TRAPPC8: variants seen among roughly 807,000 people sequenced by gnomAD.
TRAPPC8 encodes the protein trafficking protein particle complex subunit 8, also known as general sporulation gene 1 homolog.
A neutral mutation model predicts 174.3 loss-of-function variants in TRAPPC8; 54 were observed. The ratio of observed to expected loss-of-function variants is 0.31; its 90% CI spans 0.25 to 0.39. TRAPPC8 has a LOEUF of 0.39. Among genes scored for constraint, TRAPPC8 ranks in the 10% least tolerant of loss-of-function variants. TRAPPC8 has a pLI of 1.00. For synonymous variants in TRAPPC8, 630 were observed against 579.9 expected, an observed-to-expected ratio of 1.09 and a Z score of -1.24; for missense variants, 1,531 against 1,699.1, an observed-to-expected ratio of 0.90 and a Z score of 1.74.
intron 2 of TRAPPC8, among the ~76,000 whole-genome samples, chr18:31,919,047 C>T (rs1275048254): frequency 1.3e-5 from 2 of 152,112 alleles, no homozygotes; most frequent in African/African-American, 4.8e-5. Context: ...GAGGACAAAG[C>T]CATTCATCTT....
At chr18:31,860,909 T>A (rs2034289339) in intron 19 of TRAPPC8, among the ~76,000 whole-genome samples, 1 of 152,218 alleles carries the variant, frequency 6.6e-6, no homozygotes, top group African/African-American at 2.4e-5. Context: ...ACTGCTTTCA[T>A]CCATAGCTGA....
chr18:31,922,488 G>T (rs976793365), intron 2 of TRAPPC8, among the ~76,000 whole-genome samples: 14 of 152,122 alleles, frequency 9.2e-5, no homozygotes, highest in African/African-American at 3.4e-4. Flanking sequence ...CTACTCGAGA[G>T]GCTGAGGTGG....
intron 1 of TRAPPC8, among the ~76,000 whole-genome samples, chr18:31,934,823 C>T (rs2038010571): frequency 6.6e-6 from 1 of 151,890 alleles, no homozygotes; most frequent in Admixed American, 6.6e-5. Flanking sequence ...GCCGAGACCA[C>T]ACCATTGTAC....
chr18:31,922,461 T>C (rs1419581519), intron 2 of TRAPPC8, among the ~76,000 whole-genome samples: 1 of 151,560 alleles, frequency 6.6e-6, no homozygotes, highest in African/African-American at 2.4e-5. Flanking sequence ...GAGTGGGACA[T>C]GAGGCTGTAG....
chr18:31,929,116 A>C (rs987109595), intron 2 of TRAPPC8, among the ~76,000 whole-genome samples: 1 of 151,076 alleles, frequency 6.6e-6, no homozygotes, highest in East Asian at 1.9e-4. Context: ...CGGGAGGTGG[A>C]GGTTTCAGTG....
intron 2 of TRAPPC8, among the ~76,000 whole-genome samples, chr18:31,919,589 T>TAAAA (rs1314380010): frequency 7.6e-5 from 4 of 52,922 alleles, no homozygotes; most frequent in East Asian, 1.4e-3. Flanking sequence ...AATAAATAAA[T>TAAAA]AAAATAATAA....
In TRAPPC8 at chr18:31,942,891, A is replaced by C. The variant is rs1040813892; in HGVS notation, c.-127T>G. On this transcript the variant is annotated 5_prime_UTR_variant, in exon 1 of 29. Coordinates refer to ENST00000283351, the MANE Select transcript of TRAPPC8 (RefSeq NM_014939.5). ...CCGGGCGGGGCCCCGAACGCACTGG[A>C]GCCTAGAAACAAGAAGGAACAGACG... is the stretch of plus-strand genomic sequence containing the variant. 1 of 1,246,584 alleles carries C rather than the reference A, an allele frequency of 8.0e-7. No homozygotes were observed. The highest frequency in any genetic ancestry group is 1.0e-6 in the Non-Finnish European group (1 of 995,736). 77.2% of individuals were successfully genotyped at this position (1,246,584 alleles called of 1,614,324 possible). A position where few individuals can be genotyped will look rare whatever the true frequency, so the allele number is the denominator to read the frequency against.
At position 31,870,476 on chromosome 18, in the gene TRAPPC8, T is replaced by C. The variant is rs75816006; in HGVS notation, c.2284A>G (p.Arg762Gly). The part of the protein sequence containing the change: ...EEPITVEVAF[R>G]NPLKVLLLLT... ...AAAAGTAGAACTTTCAAAGGGTTTC[T>C]AAAAGCCACTTCCACTGTAATTGGT... Residue 762 changes from arginine (R) to glycine (G), a missense_variant, in exon 16 of 29, where the codon AGA becomes GGA. By Grantham distance (125) the Arg-to-Gly change is moderately radical. Coordinates refer to ENST00000283351, the MANE Select transcript of TRAPPC8 (RefSeq NM_014939.5). 6.2e-7 allele frequency: 1 copy of C among 1,612,442 alleles called. No homozygotes were observed. The highest frequency in any genetic ancestry group is 8.5e-7 in the Non-Finnish European group (1 of 1,179,246).
At chr18:31,885,305 CAG>C (rs1478039010) in intron 12 of TRAPPC8, among the ~76,000 whole-genome samples, 3 of 152,100 alleles carry the variant, frequency 2.0e-5, no homozygotes, top group Admixed American at 2.0e-4. Flanking sequence ...ATGAAAATAG[CAG>C]AGACATGTAA....
At position 31,874,295 on chromosome 18, in the gene TRAPPC8, C is replaced by A. The variant is rs541731236; in HGVS notation, c.1953+185G>T. 47 of 557,822 alleles carry A rather than the reference C, an allele frequency of 8.4e-5. No homozygotes were observed. In the South Asian group the frequency reaches 1.1e-3, roughly 13 times the overall value. 34.6% of individuals were successfully genotyped at this position (557,822 alleles called of 1,614,324 possible). A position where few individuals can be genotyped will look rare whatever the true frequency, so the allele number is the denominator to read the frequency against. On this transcript the variant is annotated intron_variant, in intron 13 of 28. Transcript: ENST00000283351. ...CATTGTAATATTAAAATTCTCTTTT[C>A]AAGAACTGTGGAAGGGGCAATGTAA...
chr18:31,859,659 G>A (rs1349928746), intron 19 of TRAPPC8, among the ~76,000 whole-genome samples: 1 of 152,100 alleles, frequency 6.6e-6, no homozygotes, highest in Non-Finnish European at 1.5e-5. Flanking sequence ...AAAGACTAGT[G>A]GTACCAACTA....
At chr18:31,916,601 C>G (rs1181160576) in intron 3 of TRAPPC8, among the ~76,000 whole-genome samples, 155 bp from the exon 4 acceptor site, 1 of 152,126 alleles carries the variant, frequency 6.6e-6, no homozygotes, top group African/African-American at 2.4e-5. Flanking sequence ...GGCGTGATCT[C>G]GACTCAACAC....
chr18:31,913,620 C>T lies in TRAPPC8; in HGVS notation c.618-98G>A, dbSNP rs1230569876. On this transcript the variant is annotated intron_variant, in intron 4 of 28. Transcript: ENST00000283351. ...GTACAAAAATAACATTAAAATAATC[C>T]CCCAAAAAGGCATATTTAGACTGGA... The T allele has an allele frequency of 4.3e-6, 4 of 934,116 alleles. No individual in the cohort carries two copies. The East Asian group carries it at 1.2e-4, about 29-fold the overall frequency. 57.9% of individuals were successfully genotyped at this position (934,116 alleles called of 1,614,324 possible). A position where few individuals can be genotyped will look rare whatever the true frequency, so the allele number is the denominator to read the frequency against.
In TRAPPC8 at chr18:31,849,589, A is replaced by C; in HGVS notation, c.3712T>G (p.Leu1238Val). 1 of 1,609,682 alleles carries C rather than the reference A, an allele frequency of 6.2e-7. No individual in the cohort carries two copies. Among genetic ancestry groups the C allele is most frequent in the African/African-American group, 1.3e-5 (1 of 74,836 alleles). Reference sequence around the variant, plus strand: ...ACCTTCCATAATATGACAATATTCAAATCTACCTCACTGCATTTTTGAATC... The same window carrying C: ...ACCTTCCATAATATGACAATATTCACATCTACCTCACTGCATTTTTGAATC... ...RLIQKCSEVD[L>V]NIVILWKAYV... The change falls in exon 25 of 29, where the codon TTG (leucine) becomes GTG (valine). Residue 1238 changes from leucine (L) to valine (V), a missense_variant. Coordinates refer to ENST00000283351, the MANE Select transcript of TRAPPC8 (RefSeq NM_014939.5).
chr18:31,931,547 C>A, intron 1 of TRAPPC8, 24 bp from the exon 2 acceptor site: 2 of 1,521,568 alleles, frequency 1.3e-6, no homozygotes, highest in Admixed American at 2.1e-5. Context: ...AAGAAAAAAA[C>A]TTGAAATTAA....
chr18:31,881,534 A>T (rs1364285553), intron 12 of TRAPPC8, among the ~76,000 whole-genome samples: 5 of 152,132 alleles, frequency 3.3e-5, no homozygotes, highest in Admixed American at 6.6e-5. Context: ...CTCAAAGTAT[A>T]AAAAAATCCT....
chr18:31,867,297 T>C, intron 17 of TRAPPC8, 105 bp downstream of exon 17: 1 of 909,426 alleles, frequency 1.1e-6, no homozygotes, highest in South Asian at 1.6e-5. Flanking sequence ...ATTTTAGTTC[T>C]TAAGAAAACT....
chr18:31,832,025 A>G, intron 28 of TRAPPC8, 59 bp downstream of exon 28: 2 of 1,194,300 alleles, frequency 1.7e-6, no homozygotes, highest in Non-Finnish European at 2.3e-6. Context: ...TTATTTGCAT[A>G]ATTTCAAAAT....
chr18:31,928,557 T>A (rs1464993512), intron 2 of TRAPPC8, among the ~76,000 whole-genome samples: 2 of 151,990 alleles, frequency 1.3e-5, no homozygotes, highest in African/African-American at 4.8e-5. Flanking sequence ...AAGAAATAAA[T>A]ATAAGACAAA....
Sources: allele counts gnomAD v4.1 joint callset (sites outside exome capture counted in the v4.1 genomes callset), GRCh38; gene constraint gnomAD v4.1.1; transcripts MANE v1.5; gene names NCBI Gene and HGNC (gene_info 2026-07-23, HGNC 2026-07-21).